The following DCLK1 variants were observed in gnomAD, a reference collection of about 807,000 sequenced individuals.
DCLK1 encodes the protein doublecortin like kinase 1, also known as serine/threonine-protein kinase DCLK1.
A neutral mutation model predicts 86.2 loss-of-function variants in DCLK1; 16 were observed. The ratio of observed to expected loss-of-function variants is 0.19; its 90% CI spans 0.13 to 0.28. The LOEUF is 0.28. DCLK1 is among the 10% of genes least tolerant of loss of function. The probability of loss-of-function intolerance (pLI) is 1.00; values close to 1 mark genes in which losing one functional copy is unlikely to be tolerated. For missense variants in DCLK1, 590 were observed against 940.2 expected, an observed-to-expected ratio of 0.63 and a Z score of 4.87; for synonymous variants, 369 against 370.5, an observed-to-expected ratio of 1.00 and a Z score of 0.05.
At chr13:36,083,276 C>T (rs1884482128) in intron 3 of DCLK1, among the ~76,000 whole-genome samples, 1 of 152,160 alleles carries the variant, frequency 6.6e-6, no homozygotes, top group Non-Finnish European at 1.5e-5. Flanking sequence ...CTAGTGACCT[C>T]ATAGGAAGTT....
intron 6 of DCLK1, among the ~76,000 whole-genome samples, chr13:35,851,388 T>C (rs1293568468): frequency 6.6e-6 from 1 of 151,850 alleles, no homozygotes; most frequent in East Asian, 1.9e-4. Flanking sequence ...CTTTCCTACC[T>C]CCCCTTCCTG....
At chr13:36,104,527 G>A (rs1291570118) in intron 3 of DCLK1, among the ~76,000 whole-genome samples, 2 of 152,180 alleles carry the variant, frequency 1.3e-5, no homozygotes, top group African/African-American at 4.8e-5. Flanking sequence ...CCACCTTTGA[G>A]CTGAATCTTG....
chr13:35,955,354 C>A (rs1303240640), intron 3 of DCLK1, among the ~76,000 whole-genome samples: 1 of 152,056 alleles, frequency 6.6e-6, no homozygotes, highest in Non-Finnish European at 1.5e-5. Flanking sequence ...GATCGAGGCA[C>A]CAGATGATCT....
chr13:36,004,935 A>G (rs1880885061), intron 3 of DCLK1, among the ~76,000 whole-genome samples: 1 of 152,218 alleles, frequency 6.6e-6, no homozygotes, highest in African/African-American at 2.4e-5. Flanking sequence ...TGTGTGTCAA[A>G]TGCTTTATTT....
At chr13:35,993,764 C>A (rs958683474) in intron 3 of DCLK1, among the ~76,000 whole-genome samples, 1 of 151,354 alleles carries the variant, frequency 6.6e-6, no homozygotes, top group Non-Finnish European at 1.5e-5. Flanking sequence ...CATCTAGCCA[C>A]AACTTAATCA....
chr13:35,882,934 T>C (rs1873003118), intron 4 of DCLK1, among the ~76,000 whole-genome samples: 1 of 152,014 alleles, frequency 6.6e-6, no homozygotes, highest in African/African-American at 2.4e-5. Context: ...TGCCAAGAAT[T>C]AAAAGGGTGA....
intron 6 of DCLK1, 111 bp from the exon 7 acceptor site, chr13:35,839,287 G>A: frequency 2.3e-6 from 2 of 867,072 alleles, no homozygotes; most frequent in African/African-American, 1.7e-5. Flanking sequence ...TGCTAGGGAG[G>A]ATTTGATCTT....
chr13:35,900,561 A>G (rs1475113764), intron 4 of DCLK1, among the ~76,000 whole-genome samples: 1 of 152,196 alleles, frequency 6.6e-6, no homozygotes, highest in Non-Finnish European at 1.5e-5. Context: ...AACATTTTAT[A>G]AAAACTACTC....
intron 3 of DCLK1, among the ~76,000 whole-genome samples, chr13:36,001,277 A>G (rs1054962565): frequency 5.9e-5 from 9 of 152,216 alleles, no homozygotes; most frequent in African/African-American, 2.2e-4. Context: ...AGCAGTAACA[A>G]AACACAAGGT....
intron 4 of DCLK1, among the ~76,000 whole-genome samples, chr13:35,874,146 C>G (rs948698516): frequency 1.3e-5 from 2 of 152,242 alleles, no homozygotes; most frequent in Admixed American, 6.5e-5. Context: ...CATTCTGATG[C>G]CTGACTTCAA....
At chr13:35,873,702 T>C (rs984380201) in intron 4 of DCLK1, among the ~76,000 whole-genome samples, 3 of 152,158 alleles carry the variant, frequency 2.0e-5, no homozygotes, top group African/African-American at 7.2e-5. Flanking sequence ...TGTACTTTTA[T>C]AGACAATGAG....
chr13:36,046,118 C>T (rs757885797), intron 3 of DCLK1, among the ~76,000 whole-genome samples: 6 of 151,964 alleles, frequency 3.9e-5, no homozygotes, highest in Non-Finnish European at 5.9e-5. Flanking sequence ...GTTATGAGAA[C>T]TGGTTAGGAT....
chr13:35,842,143 G>A (rs868130377), intron 6 of DCLK1, among the ~76,000 whole-genome samples: 67 of 148,934 alleles, frequency 4.5e-4, no homozygotes, highest in Middle Eastern at 7.0e-3. Flanking sequence ...GCAGGAGAAT[G>A]GCGTGAATCC....
intron 3 of DCLK1, among the ~76,000 whole-genome samples, chr13:36,031,541 C>T (rs771157250): frequency 6.6e-5 from 10 of 152,106 alleles, no homozygotes; most frequent in Admixed American, 2.0e-4. Flanking sequence ...GATTTTATTG[C>T]CAGCAGGCCT....
At chr13:36,018,296 C>CT (rs1460048228) in intron 3 of DCLK1, among the ~76,000 whole-genome samples, 19 of 152,062 alleles carry the variant, frequency 1.2e-4, no homozygotes, top group Admixed American at 5.2e-4. Context: ...GATTCATTTT[C>CT]TTTTTTCAAT....
chr13:35,948,823 T>G (rs750821084), intron 3 of DCLK1, among the ~76,000 whole-genome samples: 2 of 152,160 alleles, frequency 1.3e-5, no homozygotes, highest in Non-Finnish European at 2.9e-5. Flanking sequence ...CTGTAATCAC[T>G]GAGGAAGATA....
rs562425756 is a variant in DCLK1, at chr13:35,786,762, A to G, written c.2058+6604T>C. 2.6e-5 allele frequency among the ~76,000 whole-genome samples: 4 copies of G among 152,302 alleles called. No individual in the cohort carries two copies. In the East Asian group the frequency reaches 7.7e-4, roughly 29 times the overall value. ...TGATTAACTCACCCTTCTCCCTCCAAAATAAGGTCAAAAATTAAGTTCTTT... is the reference window on the plus strand; with the variant it reads ...TGATTAACTCACCCTTCTCCCTCCAGAATAAGGTCAAAAATTAAGTTCTTT... On this transcript the variant is annotated intron_variant, in intron 16 of 16. Transcript: ENST00000360631.
intron 3 of DCLK1, among the ~76,000 whole-genome samples, chr13:36,111,505 T>G (rs1010316017): frequency 1.3e-5 from 2 of 152,232 alleles, no homozygotes; most frequent in African/African-American, 2.4e-5. Flanking sequence ...GAATTTTCCC[T>G]ACTGGTCAGA....
chr13:36,112,190 T>C lies in DCLK1; in HGVS notation c.402A>G (p.Ile134Met). The change falls in exon 3 of 17, where the codon ATA (isoleucine) becomes ATG (methionine). Residue 134 changes from isoleucine (I) to methionine (M), a missense_variant. This residue lies in a region of DCLK1 where 195 missense variants were observed against 365.1 expected (regional missense o/e 0.53). Transcript: ENST00000360631. ...TGTACTCCAGTTTCTTGAAGGGCTC[T>C]ATGGAGCCACATACATAACTCTCTC... Reference protein sequence around the residue: ...VEGESYVCGSIEPFKKLEYTK... With the variant: ...VEGESYVCGSMEPFKKLEYTK... 6.3e-7 allele frequency: 1 copy of C among 1,596,804 alleles called. No individual in the cohort carries two copies. The highest frequency in any genetic ancestry group is 8.6e-7 in the Non-Finnish European group (1 of 1,166,812).
Sources: gnomAD v4.1 joint callset for allele counts (sites outside exome capture counted in the v4.1 genomes callset) on GRCh38, gnomAD v4.1.1 for gene constraint, gnomAD v4.1.1 regional missense constraint, MANE v1.5 for transcripts, NCBI Gene and HGNC (gene_info 2026-07-23, HGNC 2026-07-21) for gene names.